KLC4: variants seen among roughly 807,000 people sequenced by gnomAD.
KLC4 encodes kinesin light chain 4.
Under a neutral mutation model 77.2 loss-of-function variants are expected in KLC4, and 49 were observed. The ratio of observed to expected loss-of-function variants is 0.63; its 90% CI spans 0.50 to 0.80. The LOEUF (loss-of-function observed/expected upper bound fraction) is 0.80. KLC4 is among the 30% of genes least tolerant of loss of function. The probability of loss-of-function intolerance (pLI) is 0.00; values close to 1 mark genes in which losing one functional copy is unlikely to be tolerated. For missense variants in KLC4, 669 were observed against 793.5 expected, an observed-to-expected ratio of 0.84 and a Z score of 1.89; for synonymous variants, 274 against 314.5, an observed-to-expected ratio of 0.87 and a Z score of 1.36.
chr6:43,067,098 C>G lies in KLC4; in HGVS notation c.879+15C>G, dbSNP rs749337470. On this transcript the variant is annotated intron_variant, in intron 6 of 15. Transcript: ENST00000347162. ...ACCATCCTGCTGTCAGTATTCCTTG[C>G]CCTCCCCACCCCACGCCCCGCACCC... The G allele has an allele frequency of 5.6e-6, 9 of 1,613,586 alleles. No individual in the cohort carries two copies. The highest frequency in any genetic ancestry group is 6.8e-6 in the Non-Finnish European group (8 of 1,179,718).
At chr6:43,073,642 C>T (rs1041738824) in intron 14 of KLC4, 32 of 527,252 alleles carry the variant, frequency 6.1e-5, no homozygotes, top group Admixed American at 3.2e-4. Flanking sequence ...AGCGAGACTC[C>T]GTCTCAAAAA....
In KLC4 at chr6:43,060,700, G is replaced by C; in HGVS notation, c.-25-611G>C. ...GGTGGGAAGTATGGGTTGAAGGTTAGTGGGAAAATATGCAGGGCTGACCAG... is the reference window on the plus strand; with the variant it reads ...GGTGGGAAGTATGGGTTGAAGGTTACTGGGAAAATATGCAGGGCTGACCAG... On this transcript the variant is annotated intron_variant, in intron 1 of 15. Transcript: ENST00000347162. The C allele has an allele frequency of 3.3e-6, 3 of 917,466 alleles. No individual in the cohort carries two copies. In the South Asian group the frequency reaches 9.1e-5, roughly 28 times the overall value. 56.8% of individuals were successfully genotyped at this position (917,466 alleles called of 1,614,324 possible).
At chr6:43,066,806 T>C (rs1765455293) in intron 5 of KLC4, among the ~76,000 whole-genome samples, 190 bp from the exon 6 acceptor site, 1 of 152,176 alleles carries the variant, frequency 6.6e-6, no homozygotes, top group Non-Finnish European at 1.5e-5. Flanking sequence ...TGTGGCCTCC[T>C]CTTGGGATGG....
chr6:43,066,864 G>C (rs1251805598), intron 5 of KLC4, 132 bp from the exon 6 acceptor site: 1 of 1,346,670 alleles, frequency 7.4e-7, no homozygotes, highest in Non-Finnish European at 1.0e-6. Flanking sequence ...CCCCCTTACT[G>C]TCCACGCCAG....
intron 1 of KLC4, chr6:43,060,055 G>T: frequency 2.6e-6 from 4 of 1,511,026 alleles, no homozygotes; most frequent in Non-Finnish European, 2.7e-6. Flanking sequence ...GCGTTTCCAG[G>T]CCCAGGAGAC....
chr6:43,068,583 C>G (rs113170552), intron 6 of KLC4, among the ~76,000 whole-genome samples: 38,066 of 150,508 alleles, frequency 0.25, 6,918 homozygotes, highest in African/African-American at 0.52. Context: ...CAAGGCAGGT[C>G]GATCACCTGA....
chr6:43,061,322 TC>T lies in KLC4; in HGVS notation c.-9del, dbSNP rs749547114. The T allele has an allele frequency of 4.1e-5, 66 of 1,612,306 alleles. No homozygotes were observed. Among genetic ancestry groups the T allele is most frequent in the Non-Finnish European group, 5.4e-5 (64 of 1,179,476 alleles). Reference sequence around the variant, plus strand: ...TTGTTTCTCCCTAGACCGGGCAAGGTCCCCCAGGCCAGGATGTCAGGCCTGG... The same window carrying T: ...TTGTTTCTCCCTAGACCGGGCAAGGTCCCCAGGCCAGGATGTCAGGCCTGG... On this transcript the variant is annotated 5_prime_UTR_variant, in exon 2 of 16. Transcript: ENST00000347162.
At chr6:43,063,313 G>A (rs1339573697) in intron 3 of KLC4, among the ~76,000 whole-genome samples, 166 bp downstream of exon 3, 1 of 152,198 alleles carries the variant, frequency 6.6e-6, no homozygotes, top group Non-Finnish European at 1.5e-5. Context: ...GTGACAGCAA[G>A]GGGAAAAACA....
chr6:43,070,417 G>C lies in KLC4; in HGVS notation c.943G>C (p.Glu315Gln). Residue 315 changes from glutamate (E) to glutamine (Q), a missense_variant, in exon 7 of 16, where the codon GAG becomes CAG. Glu to Gln is a conservative substitution (Grantham distance 29). Transcript: ENST00000347162. ...CAAAAGGGGCAAGTACAAGGAGGCA[G>C]AGCCTCTGTGCCAGCGGGCACTGGA... ...YGKRGKYKEAEPLCQRALEIR... is the reference protein window; with the variant it reads ...YGKRGKYKEAQPLCQRALEIR... 6.2e-7 allele frequency: 1 copy of C among 1,614,158 alleles called. No homozygotes were observed.
intron 3 of KLC4, among the ~76,000 whole-genome samples, chr6:43,064,683 T>A (rs980913685): frequency 6.6e-6 from 1 of 152,146 alleles, no homozygotes; most frequent in Non-Finnish European, 1.5e-5. Context: ...CAGGGTGTCA[T>A]TGATAAGGCT....
intron 9 of KLC4, 66 bp from the exon 10 acceptor site, chr6:43,071,501 G>T: frequency 6.3e-7 from 1 of 1,579,514 alleles, no homozygotes; most frequent in East Asian, 2.2e-5. Context: ...TCAGCCTCTG[G>T]GTCCTGGCTC....
chr6:43,068,805 T>C (rs4714662), intron 6 of KLC4, among the ~76,000 whole-genome samples: 40,287 of 151,702 alleles, frequency 0.27, 8,099 homozygotes, highest in African/African-American at 0.57. Flanking sequence ...AGCAAGACTC[T>C]GTCTCAACAA....
intron 3 of KLC4, among the ~76,000 whole-genome samples, chr6:43,065,065 CTTTT>C (rs908857706): frequency 2.0e-5 from 3 of 149,686 alleles, no homozygotes; most frequent in Non-Finnish European, 4.5e-5. Context: ...AGAAAGGAAA[CTTTT>C]TTTTTTCTTT....
At chr6:43,074,317 T>C (rs891843000) in intron 15 of KLC4, 6 of 480,428 alleles carry the variant, frequency 1.2e-5, no homozygotes, top group Non-Finnish European at 2.2e-5. Flanking sequence ...AAGAAAAGTA[T>C]TAAATAATCC....
At chr6:43,070,613 T>C (rs1765668881) in intron 7 of KLC4, 79 bp from the exon 8 acceptor site, 5 of 1,499,746 alleles carry the variant, frequency 3.3e-6, no homozygotes, top group African/African-American at 1.4e-5. Context: ...CACATGTGTG[T>C]GCCTACATGC....
chr6:43,060,071 C>T (rs1020449078), intron 1 of KLC4: 11 of 1,527,278 alleles, frequency 7.2e-6, no homozygotes, highest in Non-Finnish European at 9.7e-6. Flanking sequence ...GAGACCCACT[C>T]CAGCGCCGCG....
At chr6:43,062,430 G>T (rs1765209679) in intron 2 of KLC4, 1 of 160,516 alleles carries the variant, frequency 6.2e-6, no homozygotes, top group South Asian at 1.7e-4. Context: ...ATTTTTAGTA[G>T]AGATGGGGTT....
Position 43,061,165 on chromosome 6 carries a change from C to T in KLC4, c.-25-146C>T, listed in dbSNP as rs569614115. ...TGAGTTTAGTGATCTAAGCTCCCTG[C>T]CTGCTGGTCACTCTCTCTCTCCAGC... On this transcript the variant is annotated intron_variant, in intron 1 of 15. Coordinates refer to ENST00000347162, the MANE Select transcript of KLC4 (RefSeq NM_201521.3). The T allele has an allele frequency of 3.9e-5, 31 of 795,462 alleles. No individual in the cohort carries two copies. In the South Asian group the frequency reaches 5.1e-4, roughly 13 times the overall value. The allele number at this position is 795,462 out of a possible 1,614,324, so 49.3% of individuals were successfully genotyped here. A position where few individuals can be genotyped will look rare whatever the true frequency, so the allele number is the denominator to read the frequency against.
At position 43,072,142 on chromosome 6, in the gene KLC4, C is replaced by T; in HGVS notation, c.1380-5C>T. The T allele has an allele frequency of 6.2e-7, 1 of 1,610,970 alleles. No homozygotes were observed. On this transcript the variant is annotated splice_region_variant and splice_polypyrimidine_tract_variant and intron_variant, in intron 11 of 15. Transcript: ENST00000347162. ...CTTCCTTCTCTGGTCTCTTTCTCAC[C>T]ACAGCCCCACAGTGAACACTACTCT...
Sources: allele counts gnomAD v4.1 joint callset (sites outside exome capture counted in the v4.1 genomes callset), GRCh38; gene constraint gnomAD v4.1.1; transcripts MANE v1.5; gene names NCBI Gene and HGNC (gene_info 2026-07-23, HGNC 2026-07-21).